The following THOC5 variants were observed in gnomAD, a reference collection of about 807,000 sequenced individuals.
The protein encoded by THOC5 is THO complex subunit 5, also known as Fms-interacting protein.
THOC5 carries 43 observed loss-of-function variants against 92.9 expected under a neutral mutation model. That is an observed-to-expected ratio of 0.46 (90% CI 0.36 to 0.60). THOC5 has a LOEUF of 0.60. THOC5 is among the 20% of genes least tolerant of loss of function. The pLI, the probability that THOC5 is intolerant of heterozygous loss-of-function variation, is 0.00. For synonymous variants in THOC5, 296 were observed against 320.1 expected (o/e 0.92, Z 0.80); for missense variants, 659 against 849.4 (o/e 0.78, Z 2.79).
chr22:29,512,313 AG>A (rs1168144926), intron 17 of THOC5, among the ~76,000 whole-genome samples, 177 bp from the exon 18 acceptor site: 1 of 152,216 alleles, frequency 6.6e-6, no homozygotes, highest in Non-Finnish European at 1.5e-5. Context: ...GCCAGCTTGC[AG>A]AATGTGAGGT....
At chr22:29,547,868 C>G (rs1002226239) in intron 2 of THOC5, among the ~76,000 whole-genome samples, 4 of 152,142 alleles carry the variant, frequency 2.6e-5, no homozygotes, top group African/African-American at 9.7e-5. Context: ...TTTATTTTCA[C>G]GCTGCTGATA....
chr22:29,527,400 C>T (rs950728398), intron 11 of THOC5, among the ~76,000 whole-genome samples: 7 of 152,082 alleles, frequency 4.6e-5, no homozygotes, highest in South Asian at 2.1e-4. Context: ...GCCTGGATGA[C>T]GAGAGTGAGA....
At chr22:29,529,329 C>T in intron 8 of THOC5, 90 bp from the exon 9 acceptor site, 2 of 1,329,154 alleles carry the variant, frequency 1.5e-6, no homozygotes, top group Non-Finnish European at 2.2e-6. Context: ...GCATTTCTCC[C>T]ACCTCTGCCC....
chr22:29,532,012 A>G (rs371500549), intron 7 of THOC5, 49 bp from the exon 8 acceptor site: 7 of 1,597,606 alleles, frequency 4.4e-6, no homozygotes, highest in South Asian at 3.4e-5. Flanking sequence ...GCCAGTCCAC[A>G]CAGGAAAAAG....
chr22:29,516,621 G>A (rs959553281), intron 17 of THOC5, among the ~76,000 whole-genome samples: 3 of 152,230 alleles, frequency 2.0e-5, no homozygotes, highest in African/African-American at 7.2e-5. Flanking sequence ...GACTGCAGAA[G>A]AGGGAGCGAG....
Position 29,508,314 on chromosome 22 carries a change from G to T in THOC5, c.*143C>A. ...CAAAGCCACCTTGCCAGGAACCACA[G>T]ACAAAGGCCACTGGTCAGGTGACGC... is the stretch of plus-strand genomic sequence containing the variant. On this transcript the variant is annotated 3_prime_UTR_variant, in exon 20 of 20. Transcript: ENST00000490103. 1 of 844,520 alleles carries T rather than the reference G, an allele frequency of 1.2e-6. No individual in the cohort carries two copies. 52.3% of individuals were successfully genotyped at this position (844,520 alleles called of 1,614,324 possible).
At chr22:29,545,521 T>C (rs2063998501) in intron 2 of THOC5, among the ~76,000 whole-genome samples, 1 of 152,164 alleles carries the variant, frequency 6.6e-6, no homozygotes, top group Non-Finnish European at 1.5e-5. Flanking sequence ...AGTTACTTCG[T>C]AGATACAGTG....
chr22:29,531,120 GA>G, intron 8 of THOC5: 1 of 1,183,636 alleles, frequency 8.4e-7, no homozygotes, highest in Non-Finnish European at 1.1e-6. Flanking sequence ...GCTGATGATG[GA>G]AACAGGAGGG....
At position 29,528,609 on chromosome 22, in the gene THOC5, G is replaced by A. The variant is rs1253716728; in HGVS notation, c.926-143C>T. ...GTAATAAATAATAAATTAACTTGCT[G>A]CTTCTTATTCAGTATACAAAACATG... is the stretch of plus-strand genomic sequence containing the variant. On this transcript the variant is annotated intron_variant, in intron 9 of 19. Transcript: ENST00000490103. 11 of 799,058 alleles carry A rather than the reference G, an allele frequency of 1.4e-5. No homozygotes were observed. In the East Asian group the frequency reaches 1.6e-4, roughly 11 times the overall value. 49.5% of individuals were successfully genotyped at this position (799,058 alleles called of 1,614,324 possible). A position where few individuals can be genotyped will look rare whatever the true frequency, so the allele number is the denominator to read the frequency against.
intron 11 of THOC5, among the ~76,000 whole-genome samples, chr22:29,526,358 C>G (rs1294600980): frequency 4.0e-5 from 6 of 151,896 alleles, no homozygotes; most frequent in Non-Finnish European, 8.8e-5. Context: ...CAGTGAAACC[C>G]CGTCTCTACT....
intron 1 of THOC5, among the ~76,000 whole-genome samples, chr22:29,551,103 G>C (rs1569238588): frequency 6.6e-6 from 1 of 152,134 alleles, no homozygotes; most frequent in Non-Finnish European, 1.5e-5. Flanking sequence ...TTCTGGTGGA[G>C]AGATTTCAAG....
At chr22:29,538,184 A>G (rs1227956258) in intron 6 of THOC5, among the ~76,000 whole-genome samples, 1 of 152,014 alleles carries the variant, frequency 6.6e-6, no homozygotes, top group Non-Finnish European at 1.5e-5. Flanking sequence ...GGGTTTCACC[A>G]TGTTAGCCAG....
At chr22:29,522,726 G>A (rs1002144497) in intron 12 of THOC5, among the ~76,000 whole-genome samples, 3 of 152,120 alleles carry the variant, frequency 2.0e-5, no homozygotes, top group African/African-American at 4.8e-5. Flanking sequence ...TTAGTGGCCG[G>A]GCGTGGTGGC....
intron 13 of THOC5, 48 bp from the exon 14 acceptor site, chr22:29,520,152 G>A (rs1415370457): frequency 1.3e-6 from 2 of 1,545,368 alleles, no homozygotes; most frequent in Non-Finnish European, 1.8e-6. Flanking sequence ...CATTTCTGCT[G>A]TGGTCCCAGG....
intron 4 of THOC5, 25 bp from the exon 5 acceptor site, chr22:29,542,981 T>A: frequency 6.4e-7 from 1 of 1,569,728 alleles, no homozygotes; most frequent in Non-Finnish European, 8.7e-7. Context: ...CGATCAGAAG[T>A]GAGCAGGGCA....
At chr22:29,526,014 G>A (rs779028747) in intron 11 of THOC5, 68 bp from the exon 12 acceptor site, 27 of 877,192 alleles carry the variant, frequency 3.1e-5, no homozygotes, top group Non-Finnish European at 4.7e-5. Context: ...AGAGTCATAG[G>A]GGGTAGTAAG....
At chr22:29,513,815 T>G (rs2063276765) in intron 17 of THOC5, 1 of 151,892 alleles carries the variant, frequency 6.6e-6, no homozygotes, top group African/African-American at 2.4e-5. Context: ...CTGGTCAACA[T>G]AGCAAGTCCT....
At chr22:29,527,568 T>C (rs1468385975) in intron 11 of THOC5, among the ~76,000 whole-genome samples, 2 of 152,176 alleles carry the variant, frequency 1.3e-5, no homozygotes, top group East Asian at 1.9e-4. Flanking sequence ...AAAAAATACA[T>C]AAGAAGTCTG....
At chr22:29,541,446 T>A (rs2881994) in intron 5 of THOC5, among the ~76,000 whole-genome samples, 7 of 142,224 alleles carry the variant, frequency 4.9e-5, no homozygotes, top group African/African-American at 1.9e-4. Context: ...AAGTCAAGGC[T>A]GCAGTGAGCC....
Sources: gnomAD v4.1 joint callset for allele counts (sites outside exome capture counted in the v4.1 genomes callset) on GRCh38, gnomAD v4.1.1 for gene constraint, MANE v1.5 for transcripts, NCBI Gene and HGNC (gene_info 2026-07-23, HGNC 2026-07-21) for gene names.